The following RFX2 variants were observed in gnomAD, a reference collection of about 807,000 sequenced individuals.
The protein encoded by RFX2 is DNA-binding protein RFX2.
Under a neutral mutation model 87.8 loss-of-function variants are expected in RFX2, and 20 were observed. The ratio of observed to expected loss-of-function variants is 0.23; its 90% CI spans 0.16 to 0.33. The LOEUF is 0.33. Ranked by LOEUF, RFX2 falls within the 10% of genes least tolerant of loss-of-function variation. The pLI is 1.00. For missense variants in RFX2, 767 were observed against 1,012.3 expected (o/e 0.76, Z 3.29); for synonymous variants, 397 against 431.3 (o/e 0.92, Z 0.98).
At position 6,105,234 on chromosome 19, in the gene RFX2, T is replaced by G. The variant is rs75574805; in HGVS notation, c.-9+5159A>C. On this transcript the variant is annotated intron_variant, in intron 1 of 17. Coordinates refer to ENST00000303657, the MANE Select transcript of RFX2 (RefSeq NM_000635.4). ...TACGTATAACTTATGGTGTGTTATATAGGAATAAATGCTAAGGAGACAGAG... is the reference window on the plus strand; with the variant it reads ...TACGTATAACTTATGGTGTGTTATAGAGGAATAAATGCTAAGGAGACAGAG... Among the ~76,000 whole-genome samples the G allele has an allele frequency of 4.5e-3, 691 of 152,006 alleles. 8 individuals carry two copies. The East Asian group carries it at 0.07, about 15-fold the overall frequency.
chr19:6,090,303 T>C (rs2144880676), intron 1 of RFX2, among the ~76,000 whole-genome samples: 1 of 145,162 alleles, frequency 6.9e-6, no homozygotes, highest in South Asian at 2.2e-4. Context: ...CTCAGCCGGG[T>C]GAGGTTGCAG....
intron 5 of RFX2, among the ~76,000 whole-genome samples, chr19:6,031,604 A>AT: frequency 2.0e-5 from 3 of 150,896 alleles, no homozygotes; most frequent in South Asian, 2.1e-4. Flanking sequence ...TCATTTTTGT[A>AT]TTTTTAGTCG....
intron 1 of RFX2, among the ~76,000 whole-genome samples, chr19:6,060,590 G>A (rs965884801): frequency 2.6e-5 from 4 of 152,244 alleles, no homozygotes; most frequent in African/African-American, 9.6e-5. Flanking sequence ...TCTCAGGAGG[G>A]AGCCTCTGTC....
intron 1 of RFX2, among the ~76,000 whole-genome samples, chr19:6,075,348 C>G (rs2087677094): frequency 6.6e-6 from 1 of 152,102 alleles, no homozygotes; most frequent in Non-Finnish European, 1.5e-5. Context: ...TTGGCTTTCG[C>G]TCTGAGTGTG....
At position 5,997,089 on chromosome 19, in the gene RFX2, C is replaced by T. The variant is rs753667887; in HGVS notation, c.1984G>A (p.Gly662Arg). The T allele has an allele frequency of 1.1e-5, 17 of 1,612,744 alleles. No individual in the cohort carries two copies. The highest frequency in any genetic ancestry group is 6.7e-5 in the East Asian group (3 of 44,882). The part of the protein sequence containing the change: ...LVEHRVAEAT[G>R]ETPIAVMGEF... ...CCCATCACAGCGATCGGCGTCTCTC[C>T]GGTGGCCTCCGCGACGCGGTGCTCC... Residue 662 changes from glycine to arginine, a missense_variant, in exon 16 of 18, where the codon GGA becomes AGA. Coordinates refer to ENST00000303657, the MANE Select transcript of RFX2 (RefSeq NM_000635.4). This position sits in a 1 kb window ranked among gnomAD's most constrained non-coding sequence, Gnocchi z 4.2.
At chr19:6,099,674 T>C (rs1381710946) in intron 1 of RFX2, among the ~76,000 whole-genome samples, 1 of 152,166 alleles carries the variant, frequency 6.6e-6, no homozygotes, top group Non-Finnish European at 1.5e-5. Flanking sequence ...GCTGTCTCCA[T>C]CCTCCAGAAC....
chr19:6,008,675 A>ATTTTT (rs1284518775), intron 9 of RFX2, among the ~76,000 whole-genome samples: 1 of 79,270 alleles, frequency 1.3e-5, no homozygotes, highest in Non-Finnish European at 2.5e-5. Context: ...ATGCCCGGCC[A>ATTTTT]TTTTTTTTTT....
At position 5,998,439 on chromosome 19, in the gene RFX2, G is replaced by C. The variant is rs544392854; in HGVS notation, c.1860-1226C>G. Among the ~76,000 whole-genome samples, 6 of 152,300 alleles carry C rather than the reference G, an allele frequency of 3.9e-5. No homozygotes were observed. In the South Asian group the frequency reaches 1.2e-3, roughly 32 times the overall value. The stretch of plus-strand genomic sequence containing the variant: ...CCCCAATGCCCAACTGCCCCGGCTC[G>C]AAGTATACTTTCATAAACTCTGTTA... On this transcript the variant is annotated intron_variant, in intron 15 of 17. Coordinates refer to ENST00000303657, the MANE Select transcript of RFX2 (RefSeq NM_000635.4). This position sits in a 1 kb window ranked among gnomAD's most constrained non-coding sequence, Gnocchi z 4.2.
At chr19:6,092,811 G>A (rs984867647) in intron 1 of RFX2, among the ~76,000 whole-genome samples, 1 of 152,150 alleles carries the variant, frequency 6.6e-6, no homozygotes, top group Non-Finnish European at 1.5e-5. Context: ...GCATTCTCCT[G>A]GAGGGTGGGG....
chr19:6,105,529 G>C (rs2088203503), intron 1 of RFX2, among the ~76,000 whole-genome samples: 1 of 152,148 alleles, frequency 6.6e-6, no homozygotes, highest in South Asian at 2.1e-4. Flanking sequence ...TGAGATGGGA[G>C]CCATCGGAGG....
In RFX2 at chr19:5,997,674, C is replaced by T. The variant is rs573101786; in HGVS notation, c.1860-461G>A. On this transcript the variant is annotated intron_variant, in intron 15 of 17. Coordinates refer to ENST00000303657, the MANE Select transcript of RFX2 (RefSeq NM_000635.4). This position sits in a 1 kb window ranked among gnomAD's most constrained non-coding sequence, Gnocchi z 4.2. Reference sequence around the variant, plus strand: ...CTTGCCACCTCCCGCCATTCCTCAGCCTGTGGTTTCAGGCACCTAAAAACA... The same window carrying T: ...CTTGCCACCTCCCGCCATTCCTCAGTCTGTGGTTTCAGGCACCTAAAAACA... 4.0e-4 allele frequency among the ~76,000 whole-genome samples: 61 copies of T among 152,268 alleles called. 1 individual carries two copies. In the South Asian group the frequency reaches 0.012, roughly 31 times the overall value.
intron 1 of RFX2, among the ~76,000 whole-genome samples, chr19:6,102,174 C>G (rs2088137620): frequency 6.6e-6 from 1 of 152,164 alleles, no homozygotes; most frequent in South Asian, 2.1e-4. Context: ...GAACACTATT[C>G]TCAAGATGCA....
In RFX2 at chr19:6,008,190, G is replaced by T; in HGVS notation, c.1050C>A (p.Pro350=). ...CCTGCAGCAGGAAGCTGCCCAGGTC[G>T]GGCGCTGGGAACTCGGGGAAGACGT... ...VSHVFPEFPA[P]DLGSFLLQDG... is the part of the protein sequence containing the mutation. The change falls in exon 10 of 18, where the codon CCC becomes CCA. Residue 350 remains proline, a synonymous_variant. Coordinates refer to ENST00000303657, the MANE Select transcript of RFX2 (RefSeq NM_000635.4). The T allele has an allele frequency of 2.6e-6, 4 of 1,560,866 alleles. No homozygotes were observed. The East Asian group carries it at 9.2e-5, about 36-fold the overall frequency.
chr19:6,057,610 C>G (rs1266797637), intron 1 of RFX2, among the ~76,000 whole-genome samples: 2 of 152,158 alleles, frequency 1.3e-5, no homozygotes, highest in South Asian at 4.1e-4. Context: ...GCTGATGAGC[C>G]TCGGTGTTTG....
At position 6,007,638 on chromosome 19, in the gene RFX2, C is replaced by G; in HGVS notation, c.1247+52G>C. 9.1e-7 allele frequency: 1 copy of G among 1,094,174 alleles called. No homozygotes were observed. Among genetic ancestry groups the G allele is most frequent in the South Asian group, 1.3e-5 (1 of 74,550 alleles). The allele number at this position is 1,094,174 out of a possible 1,614,324, so 67.8% of individuals were successfully genotyped here. Reference sequence around the variant, plus strand: ...TTTGTGGGTTACCTGTGGACGTCAGCAGGGGGTTAAGTCTGGGGTGGCTGT... The same window carrying G: ...TTTGTGGGTTACCTGTGGACGTCAGGAGGGGGTTAAGTCTGGGGTGGCTGT... On this transcript the variant is annotated intron_variant, in intron 11 of 17. Transcript: ENST00000303657. The surrounding 1 kb of genome is among the most constrained non-coding windows in gnomAD (Gnocchi z 8.2).
rs2144723145 is a variant in RFX2, at chr19:6,021,212, T to A, written c.598-4941A>T. ...ATTCCAACCGTCCAGGTGTGCCCTG[T>A]GTTGACATAATCCGACTTGGAACAT... On this transcript the variant is annotated intron_variant, in intron 6 of 17. Coordinates refer to ENST00000303657, the MANE Select transcript of RFX2 (RefSeq NM_000635.4). This position sits in a 1 kb window ranked among gnomAD's most constrained non-coding sequence, Gnocchi z 5.7. Among the ~76,000 whole-genome samples the A allele has an allele frequency of 6.6e-6, 1 of 152,356 alleles. No individual in the cohort carries two copies. The highest frequency in any genetic ancestry group is 2.4e-5 in the African/African-American group (1 of 41,580).
At chr19:6,043,650 CT>C (rs1392342949) in intron 3 of RFX2, among the ~76,000 whole-genome samples, 1 of 152,236 alleles carries the variant, frequency 6.6e-6, no homozygotes, top group Non-Finnish European at 1.5e-5. Context: ...GTTCCAGAGA[CT>C]GCCTGGACCA....
chr19:6,005,238 G>A lies in RFX2; in HGVS notation c.1403-940C>T, dbSNP rs1472799137. 2.0e-5 allele frequency among the ~76,000 whole-genome samples: 3 copies of A among 152,368 alleles called. No individual in the cohort carries two copies. The East Asian group carries it at 5.8e-4, about 29-fold the overall frequency. On this transcript the variant is annotated intron_variant, in intron 12 of 17. Coordinates refer to ENST00000303657, the MANE Select transcript of RFX2 (RefSeq NM_000635.4). ...GCAGACAGGCAAGGCCAGGCCAAAT[G>A]AGAAATGCAATACTTTTGCTGTTTC...
chr19:5,998,447 C>T lies in RFX2; in HGVS notation c.1860-1234G>A, dbSNP rs188995926. 6.6e-6 allele frequency among the ~76,000 whole-genome samples: 1 copy of T among 152,340 alleles called. No homozygotes were observed. On this transcript the variant is annotated intron_variant, in intron 15 of 17. Transcript: ENST00000303657. This position sits in a 1 kb window ranked among gnomAD's most constrained non-coding sequence, Gnocchi z 4.2. ...CCCAACTGCCCCGGCTCGAAGTATA[C>T]TTTCATAAACTCTGTTACGTCTAAT...
Sources: gnomAD v4.1 joint callset for allele counts (sites outside exome capture counted in the v4.1 genomes callset) on GRCh38, gnomAD v4.1.1 for gene constraint, Gnocchi (gnomAD v3.1) non-coding constraint, MANE v1.5 for transcripts, NCBI Gene and HGNC (gene_info 2026-07-23, HGNC 2026-07-21) for gene names.